PRKD1: variants seen among roughly 807,000 people sequenced by gnomAD.
The protein encoded by PRKD1 is serine/threonine-protein kinase D1.
Under a neutral mutation model 95.9 loss-of-function variants are expected in PRKD1, and 63 were observed. The ratio of observed to expected loss-of-function variants is 0.66; its 90% CI spans 0.54 to 0.81. The LOEUF (loss-of-function observed/expected upper bound fraction) is 0.81. PRKD1 is among the 30% of genes least tolerant of loss of function. PRKD1 has a pLI of 0.00. For synonymous variants in PRKD1, 425 were observed against 423.1 expected, an observed-to-expected ratio of 1.00 and a Z score of -0.05; for missense variants, 1,048 against 1,165.3, an observed-to-expected ratio of 0.90 and a Z score of 1.47.
intron 1 of PRKD1, among the ~76,000 whole-genome samples, chr14:29,852,980 G>A (rs11627604): frequency 0.014 from 2,129 of 152,168 alleles, 39 homozygotes; most frequent in South Asian, 0.093. Context: ...ACTATATTCC[G>A]TCTACATGAG....
intron 4 of PRKD1, chr14:29,657,313 C>G (rs748863195): frequency 6.6e-6 from 1 of 152,282 alleles, no homozygotes; most frequent in Non-Finnish European, 1.5e-5. Context: ...GGGGGCAGCT[C>G]TATCTGATAA....
chr14:29,638,758 G>A lies in PRKD1; in HGVS notation c.843C>T (p.Pro281=). ...GCTTCTTGCAGTACTGGCACACTGT[G>A]GGCCGGGTGTAGGAGTGGATGACAA... The part of the protein sequence containing the change: ...HTFVIHSYTR[P]TVCQYCKKLL... The change falls in exon 5 of 18, where the codon CCC becomes CCT. Residue 281 remains proline, a synonymous_variant. Coordinates refer to ENST00000331968, the MANE Select transcript of PRKD1 (RefSeq NM_002742.3). The A allele has an allele frequency of 6.2e-7, 1 of 1,614,088 alleles. No individual in the cohort carries two copies. The highest frequency in any genetic ancestry group is 8.5e-7 in the Non-Finnish European group (1 of 1,180,012).
intron 1 of PRKD1, among the ~76,000 whole-genome samples, chr14:29,778,099 G>C (rs1465528374): frequency 2.0e-5 from 3 of 152,134 alleles, no homozygotes; most frequent in Admixed American, 2.0e-4. Context: ...AAACCAATGA[G>C]AACAAAGACA....
At chr14:29,858,416 A>G (rs189214985) in intron 1 of PRKD1, among the ~76,000 whole-genome samples, 5 of 152,330 alleles carry the variant, frequency 3.3e-5, no homozygotes, top group Admixed American at 1.3e-4. Flanking sequence ...AAATGTCTCT[A>G]TAAGACCTTT....
At chr14:29,656,922 GA>G (rs1473358417) in intron 4 of PRKD1, among the ~76,000 whole-genome samples, 4 of 152,252 alleles carry the variant, frequency 2.6e-5, no homozygotes, top group African/African-American at 9.6e-5. Flanking sequence ...GGAAAAGAAA[GA>G]AAAAGGTCAT....
intron 2 of PRKD1, among the ~76,000 whole-genome samples, chr14:29,688,421 G>A (rs982818163): frequency 6.6e-6 from 1 of 152,094 alleles, no homozygotes; most frequent in African/African-American, 2.4e-5. Flanking sequence ...AACTTTATGA[G>A]GTAGGTGGGG....
chr14:29,726,970 C>T (rs923836477), intron 1 of PRKD1, among the ~76,000 whole-genome samples: 2 of 152,122 alleles, frequency 1.3e-5, no homozygotes, highest in African/African-American at 4.8e-5. Context: ...TGAGGAATCG[C>T]CACACTGACT....
At chr14:29,696,413 A>G (rs1025285267) in intron 2 of PRKD1, among the ~76,000 whole-genome samples, 2 of 152,232 alleles carry the variant, frequency 1.3e-5, no homozygotes, top group African/African-American at 2.4e-5. Context: ...CAAATTTGAA[A>G]TATCATTTGG....
At chr14:29,849,980 C>T (rs944726782) in intron 1 of PRKD1, among the ~76,000 whole-genome samples, 6 of 152,136 alleles carry the variant, frequency 3.9e-5, no homozygotes, top group Non-Finnish European at 7.4e-5. Context: ...ATTAAGAAAA[C>T]GCTTTCGAGA....
intron 16 of PRKD1, among the ~76,000 whole-genome samples, chr14:29,595,300 A>G (rs1893261209): frequency 6.6e-6 from 1 of 152,202 alleles, no homozygotes; most frequent in Admixed American, 6.5e-5. Flanking sequence ...ACTGGCCTAA[A>G]TTCTATCTCC....
chr14:29,654,092 T>TA (rs200578853), intron 4 of PRKD1, among the ~76,000 whole-genome samples: 17 of 152,050 alleles, frequency 1.1e-4, no homozygotes, highest in East Asian at 7.7e-4. Context: ...ATTTTTTTTT[T>TA]TAAAAAAGCA....
chr14:29,631,093 G>T, intron 9 of PRKD1, 72 bp from the exon 10 acceptor site: 1 of 1,385,494 alleles, frequency 7.2e-7, no homozygotes, highest in Non-Finnish European at 9.8e-7. Context: ...TTCATGCCAA[G>T]AACATGTGAA....
intron 1 of PRKD1, among the ~76,000 whole-genome samples, chr14:29,916,008 A>G (rs1263040317): frequency 1.3e-5 from 2 of 152,206 alleles, no homozygotes; most frequent in East Asian, 1.9e-4. Flanking sequence ...AAGCCAAGAT[A>G]CAGATTGGCA....
chr14:29,776,214 T>C (rs1888746329), intron 1 of PRKD1, among the ~76,000 whole-genome samples: 1 of 152,132 alleles, frequency 6.6e-6, no homozygotes, highest in Non-Finnish European at 1.5e-5. Context: ...GCAGAAAAGC[T>C]GAAAATTCTA....
At chr14:29,826,108 A>G (rs912246718) in intron 1 of PRKD1, among the ~76,000 whole-genome samples, 2 of 150,310 alleles carry the variant, frequency 1.3e-5, no homozygotes, top group Non-Finnish European at 3.0e-5. Context: ...ACTGCGTGGT[A>G]TGTGTGTGTG....
Position 29,927,744 on chromosome 14 carries a change from T to A in PRKD1, c.-232A>T, listed in dbSNP as rs979312130. On this transcript the variant is annotated 5_prime_UTR_variant, in exon 1 of 18. Transcript: ENST00000331968. Reference sequence around the variant, plus strand: ...GGGAAAATGGCCGAGGCGGGAGGACTCTGAGGCCCGGAACGCGGCAGCCGG... The same window carrying A: ...GGGAAAATGGCCGAGGCGGGAGGACACTGAGGCCCGGAACGCGGCAGCCGG... 5.3e-4 allele frequency: 101 copies of A among 189,500 alleles called. No individual in the cohort carries two copies. Among genetic ancestry groups the A allele is most frequent in the African/African-American group, 2.3e-3 (99 of 42,194 alleles). The allele number at this position is 189,500 out of a possible 1,614,324, so 11.7% of individuals were successfully genotyped here. A position where few individuals can be genotyped will look rare whatever the true frequency, so the allele number is the denominator to read the frequency against.
intron 2 of PRKD1, among the ~76,000 whole-genome samples, chr14:29,697,842 T>C (rs983894395): frequency 2.0e-5 from 3 of 152,220 alleles, no homozygotes; most frequent in Admixed American, 6.5e-5. Flanking sequence ...TTCTGCTTTT[T>C]TGATATTATA....
At chr14:29,602,039 C>A (rs942825310) in intron 13 of PRKD1, among the ~76,000 whole-genome samples, 45 of 152,278 alleles carry the variant, frequency 3.0e-4, no homozygotes, top group African/African-American at 1.0e-3. Flanking sequence ...TTTTATTTTT[C>A]TATTTAATAT....
In PRKD1 at chr14:29,885,031, G is replaced by A. The variant is rs542600204; in HGVS notation, c.264+42218C>T. ...CCAGCTACTCAGGAGGCTGAGGCAG[G>A]AGAGTGGCGTGAACCCGGGAGGCGG... On this transcript the variant is annotated intron_variant, in intron 1 of 17. Transcript: ENST00000331968. Among the ~76,000 whole-genome samples the A allele has an allele frequency of 2.1e-4, 32 of 151,854 alleles. 2 individuals are homozygous for A. In the South Asian group the frequency reaches 5.8e-3, roughly 28 times the overall value.
Sources: gnomAD v4.1 joint callset for allele counts (sites outside exome capture counted in the v4.1 genomes callset) on GRCh38, gnomAD v4.1.1 for gene constraint, MANE v1.5 for transcripts, NCBI Gene and HGNC (gene_info 2026-07-23, HGNC 2026-07-21) for gene names.